Variants in ARB2A observed in about 807,000 individuals in gnomAD.
ARB2A encodes ARB2 cotranscriptional regulator A, also known as cotranscriptional regulator ARB2A.
At chr5:94,008,650 G>T in the ARB2A span, among the ~76,000 whole-genome samples, 1 of 151,944 alleles carries the variant, frequency 6.6e-6, no homozygotes, top group Non-Finnish European at 1.5e-5. Flanking sequence ...TTCAATTTGT[G>T]GCTAATAATA....
At chr5:94,074,656 G>C in the ARB2A span, 1 of 1,611,420 alleles carries the variant, frequency 6.2e-7, no homozygotes, top group East Asian at 2.2e-5. Flanking sequence ...CTTTCAGTGC[G>C]GTAGTCTTTT....
the ARB2A span, among the ~76,000 whole-genome samples, chr5:93,729,907 T>C: frequency 1.3e-5 from 2 of 152,128 alleles, no homozygotes; most frequent in African/African-American, 2.4e-5. Flanking sequence ...GAAAGTGGTA[T>C]TTCATTTATA....
the ARB2A span, among the ~76,000 whole-genome samples, chr5:93,787,291 A>T: frequency 6.6e-6 from 1 of 152,192 alleles, no homozygotes; most frequent in Non-Finnish European, 1.5e-5. Context: ...TTTTTGTTAT[A>T]ATATCTTCAG....
the ARB2A span, among the ~76,000 whole-genome samples, chr5:93,638,555 G>A: frequency 6.6e-6 from 1 of 152,102 alleles, no homozygotes; most frequent in African/African-American, 2.4e-5. Context: ...GCTCATGCCT[G>A]TAATCCCAGC....
At chr5:94,102,679 T>C in the ARB2A span, among the ~76,000 whole-genome samples, 1 of 152,042 alleles carries the variant, frequency 6.6e-6, no homozygotes, top group Non-Finnish European at 1.5e-5. Context: ...CCCTGTAAGA[T>C]GCTATTCAAG....
At chr5:93,965,151 T>C in the ARB2A span, among the ~76,000 whole-genome samples, 1 of 152,036 alleles carries the variant, frequency 6.6e-6, no homozygotes, top group African/African-American at 2.4e-5. Flanking sequence ...TCTAGGATTA[T>C]CTGGGTGATG....
the ARB2A span, among the ~76,000 whole-genome samples, chr5:93,768,362 T>A: frequency 3.3e-5 from 5 of 151,248 alleles, no homozygotes; most frequent in Non-Finnish European, 7.4e-5. Flanking sequence ...AAAAACAGAA[T>A]TGGTCTTTAG....
the ARB2A span, among the ~76,000 whole-genome samples, chr5:94,035,296 C>T: frequency 6.8e-6 from 1 of 147,082 alleles, no homozygotes; most frequent in East Asian, 2.0e-4. Flanking sequence ...TCAGTACTTC[C>T]AAGCCCTTTT....
the ARB2A span, among the ~76,000 whole-genome samples, chr5:93,812,233 G>A: frequency 6.6e-6 from 1 of 152,034 alleles, no homozygotes; most frequent in Non-Finnish European, 1.5e-5. Flanking sequence ...AAAATTTGAG[G>A]CTGAGCCTAG....
At chr5:93,716,097 A>G in the ARB2A span, among the ~76,000 whole-genome samples, 3 of 152,226 alleles carry the variant, frequency 2.0e-5, no homozygotes, top group Non-Finnish European at 4.4e-5. Context: ...GGTAAACTAT[A>G]TAATAGATGT....
chr5:94,093,626 A>C, the ARB2A span, among the ~76,000 whole-genome samples: 1 of 152,286 alleles, frequency 6.6e-6, no homozygotes, highest in African/African-American at 2.4e-5. Flanking sequence ...AGTCAATAGC[A>C]TTCTGCCACT....
At chr5:93,861,180 ATCT>A in the ARB2A span, 4 of 152,158 alleles carry the variant, frequency 2.6e-5, no homozygotes, top group Non-Finnish European at 4.4e-5. Flanking sequence ...TAGTCAAACC[ATCT>A]TCTCCTGAAC....
the ARB2A span, chr5:94,055,977 A>G: frequency 1.2e-6 from 1 of 827,310 alleles, no homozygotes; most frequent in Non-Finnish European, 1.5e-6. Context: ...ACTTCATTTG[A>G]TCATCACAAT....
the ARB2A span, among the ~76,000 whole-genome samples, chr5:93,822,206 G>A: frequency 6.9e-4 from 105 of 152,230 alleles, no homozygotes; most frequent in African/African-American, 2.4e-3. Context: ...AATTTCACAG[G>A]CCCTGAGGAC....
the ARB2A span, among the ~76,000 whole-genome samples, chr5:93,807,392 T>C: frequency 4.6e-5 from 7 of 152,102 alleles, no homozygotes; most frequent in East Asian, 9.7e-4. Flanking sequence ...AATTGATATA[T>C]AGCTGCTTAA....
chr5:94,083,170 A>G, the ARB2A span, among the ~76,000 whole-genome samples: 1 of 152,198 alleles, frequency 6.6e-6, no homozygotes, highest in Admixed American at 6.5e-5. Flanking sequence ...AATGTTAGCC[A>G]TTTATATTAT....
chr5:93,869,659 C>T, the ARB2A span, among the ~76,000 whole-genome samples: 2 of 152,154 alleles, frequency 1.3e-5, no homozygotes, highest in South Asian at 4.1e-4. Flanking sequence ...GATGACATTC[C>T]ACCATTGTGA....
At chr5:93,973,845 T>A in the ARB2A span, among the ~76,000 whole-genome samples, 1 of 152,146 alleles carries the variant, frequency 6.6e-6, no homozygotes, top group Non-Finnish European at 1.5e-5. Context: ...AATACAGTTG[T>A]TCCCAGACAA....
the ARB2A span, among the ~76,000 whole-genome samples, chr5:94,034,520 A>G: frequency 6.6e-6 from 1 of 152,184 alleles, no homozygotes; most frequent in African/African-American, 2.4e-5. Flanking sequence ...TTTTCAGATA[A>G]CTTTAATCTA....
Sources: gnomAD v4.1 joint callset for allele counts (sites outside exome capture counted in the v4.1 genomes callset) on GRCh38, gnomAD v4.1.1 for gene constraint, MANE v1.5 for transcripts, NCBI Gene and HGNC (gene_info 2026-07-23, HGNC 2026-07-21) for gene names.